Variants in RANBP2 observed in about 807,000 individuals in gnomAD.
The protein encoded by RANBP2 is RAN binding protein 2.
Under a neutral mutation model 303.6 loss-of-function variants are expected in RANBP2, and 57 were observed. The ratio of observed to expected loss-of-function variants is 0.19; its 90% CI spans 0.15 to 0.23. The LOEUF is 0.23. Ranked by LOEUF, RANBP2 falls within the 10% of genes least tolerant of loss-of-function variation. RANBP2 has a pLI of 1.00. For synonymous variants in RANBP2, 1,167 were observed against 1,301.5 expected (o/e 0.90, Z 2.23); for missense variants, 3,138 against 3,780.8 (o/e 0.83, Z 4.46).
In RANBP2 at chr2:108,763,970, C is replaced by G; in HGVS notation, c.3431C>G (p.Thr1144Arg). The change falls in exon 20 of 29, where the codon ACA becomes AGA. Residue 1144 changes from threonine (T) to arginine (R), a missense_variant. Thr to Arg is a moderately conservative substitution (Grantham distance 71). Around this residue, in one of 20 missense-constraint regions of RANBP2, gnomAD observed 403 missense variants for 376.7 expected, o/e 1.07. Coordinates refer to ENST00000283195, the MANE Select transcript of RANBP2 (RefSeq NM_006267.5). The part of the protein sequence containing the change: ...FHGPGKSVFG[T>R]PTLETANKNH... ...GGTCCAGGGAAATCAGTATTTGGAA[C>G]ACCCACTTTAGAGACAGCAAACAAG... is the stretch of plus-strand genomic sequence containing the variant. 4 of 1,613,952 alleles carry G rather than the reference C, an allele frequency of 2.5e-6. No individual in the cohort carries two copies. The highest frequency in any genetic ancestry group is 3.4e-6 in the Non-Finnish European group (4 of 1,179,984).
At chr2:109,410,723 T>C in the RANBP2 span, among the ~76,000 whole-genome samples, 17 of 152,342 alleles carry the variant, frequency 1.1e-4, no homozygotes, top group African/African-American at 3.4e-4. Flanking sequence ...GTATCCATTA[T>C]GGAGCCTTTT....
chr2:108,920,396 C>G, the RANBP2 span, among the ~76,000 whole-genome samples: 1 of 152,204 alleles, frequency 6.6e-6, no homozygotes, highest in African/African-American at 2.4e-5. Flanking sequence ...CTCCCTGCCC[C>G]CACTGTCATT....
At chr2:108,804,140 G>A in the RANBP2 span, among the ~76,000 whole-genome samples, 4 of 151,694 alleles carry the variant, frequency 2.6e-5, no homozygotes, top group South Asian at 2.1e-4. Context: ...TATTTTCATC[G>A]TATTTATATC....
At chr2:109,737,293 T>C in the RANBP2 span, 1 of 671,072 alleles carries the variant, frequency 1.5e-6, no homozygotes, top group Non-Finnish European at 2.7e-6. Flanking sequence ...TTTGGAAAAA[T>C]GCACCTTGGA....
chr2:109,264,694 A>G, the RANBP2 span, among the ~76,000 whole-genome samples: 1 of 152,206 alleles, frequency 6.6e-6, no homozygotes, highest in Non-Finnish European at 1.5e-5. Flanking sequence ...AGTGGATGCT[A>G]GATGTTTCCG....
At chr2:109,421,220 A>C in the RANBP2 span, among the ~76,000 whole-genome samples, 2 of 152,246 alleles carry the variant, frequency 1.3e-5, no homozygotes, top group African/African-American at 2.4e-5. Context: ...GGAGTTTCCC[A>C]AATGAGAGGC....
the RANBP2 span, among the ~76,000 whole-genome samples, chr2:108,922,317 G>T: frequency 6.6e-6 from 1 of 152,242 alleles, no homozygotes; most frequent in Non-Finnish European, 1.5e-5. Context: ...ATGGCAGCTG[G>T]CTTCACCATG....
the RANBP2 span, among the ~76,000 whole-genome samples, chr2:108,938,817 T>A: frequency 8.6e-6 from 1 of 116,882 alleles, no homozygotes; most frequent in African/African-American, 3.4e-5. Flanking sequence ...AGAGTCTTGC[T>A]CTGTAGCCCA....
the RANBP2 span, among the ~76,000 whole-genome samples, chr2:109,285,943 C>T: frequency 1.3e-5 from 2 of 152,328 alleles, no homozygotes; most frequent in South Asian, 2.1e-4. Flanking sequence ...TTCCTCTTTT[C>T]TGCCCTGGGT....
chr2:108,813,689 A>G, the RANBP2 span, among the ~76,000 whole-genome samples: 1 of 152,198 alleles, frequency 6.6e-6, no homozygotes, highest in Admixed American at 6.5e-5. Flanking sequence ...ATTAATTTTG[A>G]TAAATATTTC....
chr2:109,688,531 C>G, the RANBP2 span, among the ~76,000 whole-genome samples: 2 of 152,052 alleles, frequency 1.3e-5, no homozygotes, highest in African/African-American at 4.8e-5. Flanking sequence ...AATCCCAGCA[C>G]TTTGGGAGGC....
chr2:109,365,496 C>G, the RANBP2 span, among the ~76,000 whole-genome samples: 1 of 152,154 alleles, frequency 6.6e-6, no homozygotes, highest in African/African-American at 2.4e-5. Flanking sequence ...AGAGGAGTTG[C>G]TTTTTCAGTT....
the RANBP2 span, among the ~76,000 whole-genome samples, chr2:109,063,255 C>T: frequency 6.6e-6 from 1 of 152,196 alleles, no homozygotes; most frequent in Admixed American, 6.5e-5. Context: ...TGGAGAGCCA[C>T]CCACTCCTGG....
At chr2:109,490,261 T>A in the RANBP2 span, among the ~76,000 whole-genome samples, 49 of 152,310 alleles carry the variant, frequency 3.2e-4, no homozygotes, top group African/African-American at 1.2e-3. Context: ...CAGGCATGCT[T>A]ACTGCTTGAC....
the RANBP2 span, among the ~76,000 whole-genome samples, chr2:109,669,323 A>G: frequency 6.6e-6 from 1 of 152,224 alleles, no homozygotes; most frequent in South Asian, 2.1e-4. Context: ...AAAAACAAAC[A>G]AATGAAATTC....
At chr2:109,198,837 T>C in the RANBP2 span, among the ~76,000 whole-genome samples, 5 of 152,354 alleles carry the variant, frequency 3.3e-5, no homozygotes, top group African/African-American at 1.2e-4. Flanking sequence ...GTTCCCCGGC[T>C]GCAGACCTGT....
chr2:109,355,715 A>C, the RANBP2 span, among the ~76,000 whole-genome samples: 2 of 152,066 alleles, frequency 1.3e-5, no homozygotes, highest in Non-Finnish European at 2.9e-5. Context: ...GACCCTGGGG[A>C]CGCCCTCCTC....
the RANBP2 span, among the ~76,000 whole-genome samples, chr2:109,243,401 T>G: frequency 6.6e-6 from 1 of 152,254 alleles, no homozygotes; most frequent in African/African-American, 2.4e-5. Flanking sequence ...GGAGTGCCTG[T>G]CCTTTCTTCT....
chr2:108,804,774 A>T, the RANBP2 span: 6 of 992,168 alleles, frequency 6.0e-6, no homozygotes, highest in Non-Finnish European at 6.9e-6. Flanking sequence ...GCATACACTG[A>T]TTAAAGTTTT....
Sources: allele counts gnomAD v4.1 joint callset (sites outside exome capture counted in the v4.1 genomes callset), GRCh38; gene constraint gnomAD v4.1.1; regional missense constraint gnomAD v4.1.1; transcripts MANE v1.5; gene names NCBI Gene and HGNC (gene_info 2026-07-23, HGNC 2026-07-21).